MSI2: variants seen among roughly 807,000 people sequenced by gnomAD.
The protein encoded by MSI2 is musashi RNA binding protein 2.
Under a neutral mutation model 45.6 loss-of-function variants are expected in MSI2, and 17 were observed. The observed-to-expected ratio is 0.37, with a 90% CI of 0.26 to 0.56. The LOEUF (loss-of-function observed/expected upper bound fraction) is 0.56. Among genes scored for constraint, MSI2 ranks in the 20% least tolerant of loss-of-function variants. The pLI is 0.77. For synonymous variants in MSI2, 156 were observed against 158.2 expected (o/e 0.99, Z 0.11); for missense variants, 293 against 444.2 (o/e 0.66, Z 3.06).
intron 7 of MSI2, among the ~76,000 whole-genome samples, chr17:57,553,702 C>A (rs2087360816): frequency 6.6e-6 from 1 of 152,136 alleles, no homozygotes; most frequent in African/African-American, 2.4e-5. Context: ...AGCTCATGTG[C>A]CTTTGTGGCC....
chr17:57,519,933 G>A (rs1486077356), intron 6 of MSI2, among the ~76,000 whole-genome samples: 1 of 152,142 alleles, frequency 6.6e-6, no homozygotes, highest in Non-Finnish European at 1.5e-5. Flanking sequence ...GCACGTGCCT[G>A]TAATCCCAAG....
intron 7 of MSI2, among the ~76,000 whole-genome samples, chr17:57,564,105 T>C (rs2144266856): frequency 6.6e-6 from 1 of 152,338 alleles, no homozygotes; most frequent in South Asian, 2.1e-4. Context: ...AAGGCCCCCA[T>C]GTCCCTGGCT....
the MSI2 span, among the ~76,000 whole-genome samples, chr17:57,692,076 T>C: frequency 2.6e-5 from 4 of 152,340 alleles, no homozygotes; most frequent in South Asian, 8.3e-4. Flanking sequence ...ATGTTTAATT[T>C]TGTCAAATGT....
chr17:57,386,806 C>T (rs562755389), intron 5 of MSI2, among the ~76,000 whole-genome samples: 4 of 152,336 alleles, frequency 2.6e-5, no homozygotes, highest in Non-Finnish European at 5.9e-5. Context: ...GTACCTTGTA[C>T]GTAGCAGACA....
rs2084104316 is a variant in MSI2, at chr17:57,407,404, T to G, written c.405+5933T>G. On this transcript the variant is annotated intron_variant, in intron 6 of 13. Transcript: ENST00000284073. This position sits in a 1 kb window ranked among gnomAD's most constrained non-coding sequence, Gnocchi z 4.1. ...AAAGCCCTTTGAAATTTAAAAGGCATGAGATCTGTGAGAAGATAAATAAGC... is the reference window on the plus strand; with the variant it reads ...AAAGCCCTTTGAAATTTAAAAGGCAGGAGATCTGTGAGAAGATAAATAAGC... Among the ~76,000 whole-genome samples the G allele has an allele frequency of 6.6e-6, 1 of 152,152 alleles. No individual in the cohort carries two copies. Among genetic ancestry groups the G allele is most frequent in the African/African-American group, 2.4e-5 (1 of 41,436 alleles).
At chr17:57,273,474 TTTTTTTTC>T (rs1908555349) in intron 5 of MSI2, among the ~76,000 whole-genome samples, 1 of 140,920 alleles carries the variant, frequency 7.1e-6, no homozygotes, top group Non-Finnish European at 1.5e-5. Context: ...ATTTTTTTTT[TTTTTTTTC>T]TTTTACTGGA....
rs56256175 is a variant in MSI2, at chr17:57,301,853, T to C, written c.312+39661T>C. 5.5e-3 allele frequency among the ~76,000 whole-genome samples: 836 copies of C among 152,278 alleles called. 11 individuals are homozygous for C. The highest frequency in any genetic ancestry group is 0.019 in the African/African-American group (803 of 41,548). On this transcript the variant is annotated intron_variant, in intron 5 of 13. Transcript: ENST00000284073. ...ATACATGAGTTTACCAGAATGTGTA[T>C]CTAGGAGTGGAATTGCTGAGTCTTA...
At chr17:57,299,596 C>T (rs1020273584) in intron 5 of MSI2, among the ~76,000 whole-genome samples, 2 of 152,058 alleles carry the variant, frequency 1.3e-5, no homozygotes, top group African/African-American at 2.4e-5. Flanking sequence ...TTAAGTTTGC[C>T]ATCTTATTTA....
chr17:57,299,612 T>G (rs981345740), intron 5 of MSI2, among the ~76,000 whole-genome samples: 1 of 152,202 alleles, frequency 6.6e-6, no homozygotes, highest in Non-Finnish European at 1.5e-5. Context: ...ATTTATTTAT[T>G]TATCTTAATC....
intron 10 of MSI2, chr17:57,628,358 C>A (rs1020324916): frequency 6.6e-6 from 1 of 152,210 alleles, no homozygotes; most frequent in African/African-American, 2.4e-5. Context: ...GACAGGAGGG[C>A]AGAGTGAGGG....
intron 6 of MSI2, among the ~76,000 whole-genome samples, chr17:57,519,495 C>T (rs1432495501): frequency 1.3e-5 from 2 of 152,116 alleles, no homozygotes; most frequent in Non-Finnish European, 2.9e-5. Context: ...TCCAGCTCTG[C>T]TAGAGGCTTG....
At chr17:57,500,790 CA>C (rs58479533) in intron 6 of MSI2, among the ~76,000 whole-genome samples, 84,026 of 107,160 alleles carry the variant, frequency 0.78, 32,246 homozygotes, top group Middle Eastern at 0.86. Context: ...CTGTCTCTAC[CA>C]AAAAAAAAAA....
chr17:57,287,135 T>TG (rs1909975672), intron 5 of MSI2, among the ~76,000 whole-genome samples: 1 of 151,764 alleles, frequency 6.6e-6, no homozygotes, highest in Non-Finnish European at 1.5e-5. Context: ...AAAGTTGTTT[T>TG]TTTTTTTTTT....
chr17:57,430,460 C>A (rs887631740), intron 6 of MSI2, among the ~76,000 whole-genome samples: 11 of 152,188 alleles, frequency 7.2e-5, no homozygotes, highest in African/African-American at 2.7e-4. Flanking sequence ...TACCCCCTGC[C>A]CCACTCCTGG....
chr17:57,459,713 G>A (rs909325850), intron 6 of MSI2, among the ~76,000 whole-genome samples: 3 of 152,146 alleles, frequency 2.0e-5, no homozygotes, highest in African/African-American at 7.2e-5. Context: ...TGGCTTGGCC[G>A]GGTGTGGTGG....
chr17:57,655,448 C>T (rs1402656451), intron 11 of MSI2, among the ~76,000 whole-genome samples: 1 of 152,120 alleles, frequency 6.6e-6, no homozygotes, highest in Non-Finnish European at 1.5e-5. Flanking sequence ...TGGGTGGGTC[C>T]GTGTATCAAT....
chr17:57,432,792 G>A (rs2084622446), intron 6 of MSI2, among the ~76,000 whole-genome samples: 1 of 152,164 alleles, frequency 6.6e-6, no homozygotes, highest in East Asian at 1.9e-4. Context: ...CGTTGAGACC[G>A]ATGCTTATCT....
intron 13 of MSI2, among the ~76,000 whole-genome samples, chr17:57,678,686 A>G (rs545245549): frequency 6.8e-6 from 1 of 148,072 alleles, no homozygotes; most frequent in South Asian, 2.3e-4. Context: ...GTGGGGTGGA[A>G]TGGGATGGGG....
At chr17:57,624,126 T>C (rs915214859) in intron 9 of MSI2, among the ~76,000 whole-genome samples, 1 of 152,172 alleles carries the variant, frequency 6.6e-6, no homozygotes, top group African/African-American at 2.4e-5. Context: ...TGCATTGTAT[T>C]TGTCACCTAA....
Sources: allele counts gnomAD v4.1 joint callset (sites outside exome capture counted in the v4.1 genomes callset), GRCh38; gene constraint gnomAD v4.1.1; non-coding constraint Gnocchi (gnomAD v3.1); transcripts MANE v1.5; gene names NCBI Gene and HGNC (gene_info 2026-07-23, HGNC 2026-07-21).